ZC3H7B: variants seen among roughly 807,000 people sequenced by gnomAD.
ZC3H7B encodes the protein zinc finger CCCH-type containing 7B.
Under a neutral mutation model 116.0 loss-of-function variants are expected in ZC3H7B, and 35 were observed. That is an observed-to-expected ratio of 0.30 (90% CI 0.23 to 0.40). ZC3H7B has a LOEUF of 0.40. ZC3H7B is among the 10% of genes least tolerant of loss of function. The probability of loss-of-function intolerance (pLI) is 1.00; values close to 1 mark genes in which losing one functional copy is unlikely to be tolerated. For synonymous variants in ZC3H7B, 502 were observed against 545.6 expected (o/e 0.92, Z 1.11); for missense variants, 1,011 against 1,321.5 (o/e 0.77, Z 3.64).
At chr22:41,337,495 G>C (rs1485811023) in intron 7 of ZC3H7B, among the ~76,000 whole-genome samples, 1 of 152,234 alleles carries the variant, frequency 6.6e-6, no homozygotes, top group African/African-American at 2.4e-5. Context: ...GCCTGCTCAG[G>C]CCCAGCTTTC....
rs1027493548 is a variant in ZC3H7B, at chr22:41,337,090, C to T, written c.583-1223C>T. The stretch of plus-strand genomic sequence containing the variant: ...GGCAGAGGTTTCGGTAAGCCAAGAT[C>T]GCACCATTGCACTCCAGCCTGGGCA... On this transcript the variant is annotated intron_variant, in intron 7 of 22. Coordinates refer to ENST00000352645, the MANE Select transcript of ZC3H7B (RefSeq NM_017590.6). Among the ~76,000 whole-genome samples the T allele has an allele frequency of 1.3e-4, 20 of 152,106 alleles. No individual in the cohort carries two copies. The East Asian group carries it at 3.3e-3, about 25-fold the overall frequency.
Position 41,349,047 on chromosome 22 carries a change from G to A in ZC3H7B, c.1767-73G>A, listed in dbSNP as rs1184922146. The A allele has an allele frequency of 9.9e-6, 15 of 1,509,244 alleles. No homozygotes were observed. Among genetic ancestry groups the A allele is most frequent in the Non-Finnish European group, 1.2e-5 (13 of 1,110,886 alleles). The allele number at this position is 1,509,244 out of a possible 1,614,324, so 93.5% of individuals were successfully genotyped here. ...CCAGGGAGAGCCTGGCACTGGGAAG[G>A]TGGCCCTACCAGGAGAGAAGGTCAG... On this transcript the variant is annotated intron_variant, in intron 15 of 22. Transcript: ENST00000352645. This position sits in a 1 kb window ranked among gnomAD's most constrained non-coding sequence, Gnocchi z 4.9.
rs1269837136 is a variant in ZC3H7B at position 41,327,211 on chromosome 22, G to A, written c.291G>A (p.Leu97=). The A allele has an allele frequency of 5.6e-6, 9 of 1,613,870 alleles. No homozygotes were observed. The highest frequency in any genetic ancestry group is 7.6e-6 in the Non-Finnish European group (9 of 1,180,024). Reference sequence around the variant, plus strand: ...CACATGCTCCTCTCTGGCAGGGCCTGTATGAGAAGGCGCTGGAGGACAGCG... The same window carrying A: ...CACATGCTCCTCTCTGGCAGGGCCTATATGAGAAGGCGCTGGAGGACAGCG... ...NRAACYFTMG[L]YEKALEDSEK... is the part of the protein sequence containing the mutation. Residue 97 remains leucine (L), a synonymous_variant, in exon 5 of 23, where the codon CTG becomes CTA. Transcript: ENST00000352645. The surrounding 1 kb of genome is among the most constrained non-coding windows in gnomAD (Gnocchi z 4.5).
Position 41,343,544 on chromosome 22 carries a change from C to G in ZC3H7B, c.1427C>G (p.Thr476Ser). Residue 476 changes from threonine to serine, a missense_variant, in exon 13 of 23, where the codon ACC (threonine) becomes AGC (serine). By Grantham distance (58) the Thr-to-Ser change is moderately conservative. This residue lies in a region of ZC3H7B where 179 missense variants were observed against 178.5 expected (regional missense o/e 1.00). Transcript: ENST00000352645. ...CGGATCCGGCCCCGGCCCACTAAGA[C>G]CAGCTTCGTGGGCTCCTACTACCTG... The part of the protein sequence containing the change: ...WKRIRPRPTK[T>S]SFVGSYYLCK... 6.2e-7 allele frequency: 1 copy of G among 1,611,828 alleles called. No homozygotes were observed. The highest frequency in any genetic ancestry group is 8.5e-7 in the Non-Finnish European group (1 of 1,178,780).
At chr22:41,308,221 G>A (rs2036071241) in intron 1 of ZC3H7B, among the ~76,000 whole-genome samples, 1 of 152,066 alleles carries the variant, frequency 6.6e-6, no homozygotes, top group Admixed American at 6.6e-5. Flanking sequence ...TCCTGTGAGG[G>A]CTGCAGGGAA....
rs1019935470 is a variant in ZC3H7B, at chr22:41,332,028, G to A, written c.526-143G>A. The A allele has an allele frequency of 4.7e-5, 38 of 812,740 alleles. No individual in the cohort carries two copies. The Admixed American group carries it at 5.0e-4, about 11-fold the overall frequency. The allele number at this position is 812,740 out of a possible 1,614,324, so 50.3% of individuals were successfully genotyped here. ...CAGAGAGACAGAGCAGTTGATTTCCGGCAGGCCTGGGGACAGGGACTCTCG... is the reference window on the plus strand; with the variant it reads ...CAGAGAGACAGAGCAGTTGATTTCCAGCAGGCCTGGGGACAGGGACTCTCG... On this transcript the variant is annotated intron_variant, in intron 6 of 22. Coordinates refer to ENST00000352645, the MANE Select transcript of ZC3H7B (RefSeq NM_017590.6).
chr22:41,308,649 T>C (rs989313863), intron 1 of ZC3H7B, among the ~76,000 whole-genome samples: 2 of 152,120 alleles, frequency 1.3e-5, no homozygotes, highest in Non-Finnish European at 2.9e-5. Context: ...AGGATCTTCT[T>C]GCGAAATAAA....
chr22:41,347,871 C>T (rs2036607393), intron 14 of ZC3H7B, among the ~76,000 whole-genome samples, 196 bp from the exon 15 acceptor site: 1 of 152,040 alleles, frequency 6.6e-6, no homozygotes, highest in South Asian at 2.1e-4. Flanking sequence ...AGGAAGGGAG[C>T]CAAAGCCCAG....
chr22:41,327,188 C>T lies in ZC3H7B; in HGVS notation c.286-18C>T. 1 of 1,613,018 alleles carries T rather than the reference C, an allele frequency of 6.2e-7. No homozygotes were observed. Reference sequence around the variant, plus strand: ...GGTAACAGGTGTTGACCAGTGACCACATGCTCCTCTCTGGCAGGGCCTGTA... The same window carrying T: ...GGTAACAGGTGTTGACCAGTGACCATATGCTCCTCTCTGGCAGGGCCTGTA... On this transcript the variant is annotated intron_variant, in intron 4 of 22. Coordinates refer to ENST00000352645, the MANE Select transcript of ZC3H7B (RefSeq NM_017590.6). This position sits in a 1 kb window ranked among gnomAD's most constrained non-coding sequence, Gnocchi z 4.5.
chr22:41,302,703 C>A lies in ZC3H7B; in HGVS notation c.-7+931C>A, dbSNP rs2035986667. Among the ~76,000 whole-genome samples the A allele has an allele frequency of 6.6e-6, 1 of 152,208 alleles. No homozygotes were observed. The highest frequency in any genetic ancestry group is 6.5e-5 in the Admixed American group (1 of 15,278). On this transcript the variant is annotated intron_variant, in intron 1 of 22. Coordinates refer to ENST00000352645, the MANE Select transcript of ZC3H7B (RefSeq NM_017590.6). This position sits in a 1 kb window ranked among gnomAD's most constrained non-coding sequence, Gnocchi z 5.7. ...TAAGGCGCCTGGTTGGGGGGACTTTCACAGACAAAGCCGTCTTCCCAGGGG... is the reference window on the plus strand; with the variant it reads ...TAAGGCGCCTGGTTGGGGGGACTTTAACAGACAAAGCCGTCTTCCCAGGGG...
Position 41,318,257 on chromosome 22 carries a change from C to T in ZC3H7B, c.-6-2398C>T, listed in dbSNP as rs181440240. On this transcript the variant is annotated intron_variant, in intron 1 of 22. Transcript: ENST00000352645. ...TAAGACCAGCCTGAGAGGCTGGGCG[C>T]GGTGGCTCACGCCTGTAATCCCAGC... Among the ~76,000 whole-genome samples the T allele has an allele frequency of 1.4e-3, 206 of 151,726 alleles. 2 individuals carry two copies. The highest frequency in any genetic ancestry group is 7.0e-3 in the Middle Eastern group (2 of 286).
intron 1 of ZC3H7B, among the ~76,000 whole-genome samples, chr22:41,311,792 G>A (rs2036121501): frequency 6.6e-6 from 1 of 152,196 alleles, no homozygotes; most frequent in African/African-American, 2.4e-5. Flanking sequence ...GCTCGGGGAT[G>A]TTGGTCTTGA....
chr22:41,314,632 C>T (rs1043001467), intron 1 of ZC3H7B, among the ~76,000 whole-genome samples: 5 of 140,906 alleles, frequency 3.5e-5, no homozygotes, highest in South Asian at 2.3e-4. Context: ...TTTTTTGAGA[C>T]GGAGTCTTGC....
At chr22:41,315,975 T>G (rs952386847) in intron 1 of ZC3H7B, among the ~76,000 whole-genome samples, 4 of 151,960 alleles carry the variant, frequency 2.6e-5, no homozygotes, top group African/African-American at 9.7e-5. Flanking sequence ...AATACATTCA[T>G]TCTATCCAAA....
chr22:41,316,849 T>TC, intron 1 of ZC3H7B, among the ~76,000 whole-genome samples: 1 of 151,908 alleles, frequency 6.6e-6, no homozygotes, highest in Non-Finnish European at 1.5e-5. Context: ...TAATTTTTTT[T>TC]CTTTTCTTTT....
At chr22:41,329,541 G>A (rs2036356453) in intron 5 of ZC3H7B, among the ~76,000 whole-genome samples, 1 of 152,106 alleles carries the variant, frequency 6.6e-6, no homozygotes, top group Non-Finnish European at 1.5e-5. Flanking sequence ...TTACAGGCAT[G>A]AGCCACTGTG....
At chr22:41,309,354 T>G (rs1309455574) in intron 1 of ZC3H7B, among the ~76,000 whole-genome samples, 1 of 146,442 alleles carries the variant, frequency 6.8e-6, no homozygotes, top group Non-Finnish European at 1.5e-5. Context: ...CGCTCTGTCG[T>G]CCAGGCTGGA....
chr22:41,346,711 G>C lies in ZC3H7B; in HGVS notation c.1665+503G>C, dbSNP rs550461674. The stretch of plus-strand genomic sequence containing the variant: ...CACGCCTGTAGTCCCAGCTAGTTGG[G>C]AGGCTGAGGCAGGAGAATCACTTGA... On this transcript the variant is annotated intron_variant, in intron 14 of 22. Transcript: ENST00000352645. The surrounding 1 kb of genome is among the most constrained non-coding windows in gnomAD (Gnocchi z 5.3). Among the ~76,000 whole-genome samples the C allele has an allele frequency of 6.6e-6, 1 of 152,192 alleles. No homozygotes were observed. Among genetic ancestry groups the C allele is most frequent in the African/African-American group, 2.4e-5 (1 of 41,446 alleles).
At chr22:41,353,330 C>T (rs377552183) in intron 17 of ZC3H7B, among the ~76,000 whole-genome samples, 5 of 152,158 alleles carry the variant, frequency 3.3e-5, no homozygotes, top group Admixed American at 2.0e-4. Flanking sequence ...ACGTCCTGTC[C>T]GGGGCTCGCT....
Sources: allele counts gnomAD v4.1 joint callset (sites outside exome capture counted in the v4.1 genomes callset), GRCh38; gene constraint gnomAD v4.1.1; regional missense constraint gnomAD v4.1.1; non-coding constraint Gnocchi (gnomAD v3.1); transcripts MANE v1.5; gene names NCBI Gene and HGNC (gene_info 2026-07-23, HGNC 2026-07-21).